VWDE: variants seen among roughly 807,000 people sequenced by gnomAD.
The protein encoded by VWDE is von Willebrand factor D and EGF domains.
A neutral mutation model predicts 178.4 loss-of-function variants in VWDE; 207 were observed. That is an observed-to-expected ratio of 1.16 (90% confidence interval 1.04 to 1.30). The LOEUF (loss-of-function observed/expected upper bound fraction) is 1.30, where lower values mean the gene tolerates loss of function less well. Ranked by LOEUF, VWDE falls within the 50% of genes most tolerant of loss-of-function variation. VWDE has a pLI of 0.00. For missense variants in VWDE, 2,287 were observed against 1,901.3 expected (o/e 1.20, Z -3.77); for synonymous variants, 738 against 651.4 (o/e 1.13, Z -2.02).
At chr7:12,331,293 C>T (rs529454434) in intron 28 of VWDE, 96 bp from the exon 29 acceptor site, 11 of 1,011,090 alleles carry the variant, frequency 1.1e-5, no homozygotes, top group African/African-American at 5.0e-5. Context: ...TGACATGATA[C>T]GTAAAGCTCT....
chr7:12,370,606 G>C (rs1039733317), intron 11 of VWDE, 50 bp downstream of exon 11: 5 of 1,537,678 alleles, frequency 3.3e-6, no homozygotes, highest in Non-Finnish European at 4.4e-6. Flanking sequence ...GCCACCACCC[G>C]TTTTAAGTCT....
chr7:12,362,220 T>TACACACACAC (rs61071248), intron 13 of VWDE, among the ~76,000 whole-genome samples: 10 of 149,370 alleles, frequency 6.7e-5, no homozygotes, highest in African/African-American at 2.0e-4. Context: ...GAGACAAACA[T>TACACACACAC]ACACACACAC....
Position 12,389,268 on chromosome 7 carries a change from C to A in VWDE, c.334G>T (p.Ala112Ser). 1.9e-6 allele frequency: 3 copies of A among 1,551,690 alleles called. No homozygotes were observed. The highest frequency in any genetic ancestry group is 2.6e-6 in the Non-Finnish European group (3 of 1,146,998). The change falls in exon 3 of 29, where the codon GCT becomes TCT. Residue 112 changes from alanine to serine, a missense_variant. Ala to Ser is a moderately conservative substitution (Grantham distance 99). Coordinates refer to ENST00000275358, the MANE Select transcript of VWDE (RefSeq NM_001135924.3). ...AACAAAAACTGCCATGTTGCACAAG[C>A]TGTCAATTGCTTGATCTCCCCAGGA... ...PSPGEIKQLT[A>S]CATWQFLFST...
At chr7:12,379,675 G>A (rs1400475066) in intron 5 of VWDE, 109 bp from the exon 6 acceptor site, 1 of 631,916 alleles carries the variant, frequency 1.6e-6, no homozygotes, top group South Asian at 3.0e-5. Flanking sequence ...AGTATATAAA[G>A]ATAATAAAAG....
chr7:12,344,410 A>ATTCC lies in VWDE; in HGVS notation c.3945_3946insGGAA (p.Cys1316GlyfsTer3). 3 of 1,551,144 alleles carry ATTCC rather than the reference A, an allele frequency of 1.9e-6. No homozygotes were observed. Among genetic ancestry groups the ATTCC allele is most frequent in the Non-Finnish European group, 2.6e-6 (3 of 1,146,654 alleles). ...TTAGAACCAATGTAACCAGGTTTAC[A>ATTCC]TTTGCAGATGTTTGGGGCAACACAC... On this transcript the variant is annotated frameshift_variant, in exon 20 of 29. Transcript: ENST00000275358. LOFTEE classifies it high-confidence loss of function.
rs184388294 is a variant in VWDE, at chr7:12,359,766, C to T, written c.3160-74G>A. Reference sequence around the variant, plus strand: ...AAAAAAAAAGTACATAGAAGGATGGCAGTGTATGTATTGATGATTCCAACG... The same window carrying T: ...AAAAAAAAAGTACATAGAAGGATGGTAGTGTATGTATTGATGATTCCAACG... On this transcript the variant is annotated intron_variant, in intron 15 of 28. Coordinates refer to ENST00000275358, the MANE Select transcript of VWDE (RefSeq NM_001135924.3). 1.4e-4 allele frequency: 125 copies of T among 868,248 alleles called. No individual in the cohort carries two copies. The African/African-American group carries it at 2.1e-3, about 14-fold the overall frequency. 53.8% of individuals were successfully genotyped at this position (868,248 alleles called of 1,614,324 possible). A position where few individuals can be genotyped will look rare whatever the true frequency, so the allele number is the denominator to read the frequency against.
intron 21 of VWDE, 58 bp downstream of exon 21, chr7:12,344,137 T>C (rs1781473700): frequency 6.9e-7 from 1 of 1,442,012 alleles, no homozygotes; most frequent in Non-Finnish European, 9.5e-7. Context: ...AAATGGTTTT[T>C]AAAGAAAATT....
At position 12,337,214 on chromosome 7, in the gene VWDE, G is replaced by C; in HGVS notation, c.4425C>G (p.Val1475=). ...GGHCMRNNVC[V]CREGYTGRRF... is the part of the protein sequence containing the mutation. ...TCCTACCAGTGTATCCTTCACGACAGACGCACACATTATTTCTCATGCAGT... is the reference window on the plus strand; with the variant it reads ...TCCTACCAGTGTATCCTTCACGACACACGCACACATTATTTCTCATGCAGT... Residue 1475 remains valine, a synonymous_variant, in exon 25 of 29, where the codon GTC becomes GTG. Transcript: ENST00000275358. 5 of 1,552,010 alleles carry C rather than the reference G, an allele frequency of 3.2e-6. No individual in the cohort carries two copies. The highest frequency in any genetic ancestry group is 4.4e-6 in the Non-Finnish European group (5 of 1,147,038).
chr7:12,362,265 A>G (rs1562486410), intron 13 of VWDE, among the ~76,000 whole-genome samples: 1 of 151,800 alleles, frequency 6.6e-6, no homozygotes, highest in African/African-American at 2.4e-5. Flanking sequence ...ACACATACTG[A>G]GTCTTCATGG....
At chr7:12,336,030 A>T in intron 27 of VWDE, 111 bp downstream of exon 27, 1 of 815,170 alleles carries the variant, frequency 1.2e-6, no homozygotes, top group Non-Finnish European at 1.8e-6. Context: ...AAAAAGGATC[A>T]GCATGCTGGA....
Position 12,369,797 on chromosome 7 carries a change from T to A in VWDE, c.2509A>T (p.Met837Leu). The A allele has an allele frequency of 1.3e-6, 2 of 1,551,458 alleles. No homozygotes were observed. The highest frequency in any genetic ancestry group is 2.0e-5 in the Admixed American group (1 of 50,968). Residue 837 changes from methionine to leucine, a missense_variant, in exon 12 of 29, where the codon ATG (methionine) becomes TTG (leucine). Physicochemically the swap from Met to Leu is conservative, Grantham distance 15 (BLOSUM62 2). Coordinates refer to ENST00000275358, the MANE Select transcript of VWDE (RefSeq NM_001135924.3). ...TTTAACAGAACATCCTTCACACACA[T>A]CTCTATAACACTGTCTAATCTCTTG... is the stretch of plus-strand genomic sequence containing the variant. ...LGKRLDSVIE[M>L]CVKDVLLKDD...
chr7:12,333,175 C>T (rs753736642), intron 28 of VWDE, among the ~76,000 whole-genome samples: 13 of 152,082 alleles, frequency 8.5e-5, no homozygotes, highest in Non-Finnish European at 1.5e-4. Context: ...AAATAAGTGT[C>T]TTGAATCTAT....
chr7:12,343,265 T>A, intron 21 of VWDE, 87 bp from the exon 22 acceptor site: 1 of 948,160 alleles, frequency 1.1e-6, no homozygotes, highest in Non-Finnish European at 1.6e-6. Context: ...AATAAAATCT[T>A]GTTGTAAGAG....
chr7:12,336,013 A>G (rs1482742841), intron 27 of VWDE, 128 bp downstream of exon 27: 7 of 769,546 alleles, frequency 9.1e-6, no homozygotes, highest in Non-Finnish European at 1.4e-5. Context: ...ATCTAAAATC[A>G]TTTTTTAAAA....
In VWDE at chr7:12,393,797, T is replaced by G; in HGVS notation, c.59-19A>C. The G allele has an allele frequency of 6.6e-7, 1 of 1,515,314 alleles. No homozygotes were observed. The highest frequency in any genetic ancestry group is 8.8e-7 in the Non-Finnish European group (1 of 1,130,786). 93.9% of individuals were successfully genotyped at this position (1,515,314 alleles called of 1,614,324 possible). A position where few individuals can be genotyped will look rare whatever the true frequency, so the allele number is the denominator to read the frequency against. ...TCCTGAGCTAGTATGGAAAGACAGGTGTTTTTATGTAATGTGTTTTGTTTG... is the reference window on the plus strand; with the variant it reads ...TCCTGAGCTAGTATGGAAAGACAGGGGTTTTTATGTAATGTGTTTTGTTTG... On this transcript the variant is annotated intron_variant, in intron 1 of 28. Coordinates refer to ENST00000275358, the MANE Select transcript of VWDE (RefSeq NM_001135924.3).
rs1200564130 is a variant in VWDE at position 12,370,685 on chromosome 7, G to A, written c.1767C>T (p.Asn589=). The change falls in exon 11 of 29, where the codon AAC becomes AAT. Residue 589 remains asparagine, a synonymous_variant. Coordinates refer to ENST00000275358, the MANE Select transcript of VWDE (RefSeq NM_001135924.3). Reference sequence around the variant, plus strand: ...ATTCATTAATAAAAGCAACATAATTGTTAAAATTTTGATCAATTTGCATCC... The same window carrying A: ...ATTCATTAATAAAAGCAACATAATTATTAAAATTTTGATCAATTTGCATCC... The part of the protein sequence containing the change: ...KNGMQIDQNF[N]NYVAFINEWR... 2.6e-6 allele frequency: 4 copies of A among 1,550,908 alleles called. No homozygotes were observed. The highest frequency in any genetic ancestry group is 2.6e-6 in the Non-Finnish European group (3 of 1,146,612).
chr7:12,363,414 T>C (rs528034470), intron 13 of VWDE, among the ~76,000 whole-genome samples: 1 of 152,220 alleles, frequency 6.6e-6, no homozygotes, highest in African/African-American at 2.4e-5. Context: ...GTTAACATCC[T>C]GTATTTAATC....
intron 1 of VWDE, among the ~76,000 whole-genome samples, chr7:12,395,236 T>C (rs546630553): frequency 1.3e-5 from 2 of 152,108 alleles, no homozygotes; most frequent in South Asian, 4.2e-4. Flanking sequence ...AGGGATGTGC[T>C]ATCATTTCAT....
chr7:12,358,483 A>G (rs1782394892), intron 16 of VWDE, among the ~76,000 whole-genome samples: 1 of 151,988 alleles, frequency 6.6e-6, no homozygotes, highest in South Asian at 2.1e-4. Flanking sequence ...AAAAATGTCT[A>G]CCTTTCCAGC....
Sources: allele counts gnomAD v4.1 joint callset (sites outside exome capture counted in the v4.1 genomes callset), GRCh38; gene constraint gnomAD v4.1.1; transcripts MANE v1.5; gene names NCBI Gene and HGNC (gene_info 2026-07-23, HGNC 2026-07-21).